SH3GL2: variants seen among roughly 807,000 people sequenced by gnomAD.
The protein encoded by SH3GL2 is endophilin-A1.
SH3GL2 carries 24 observed loss-of-function variants against 46.0 expected under a neutral mutation model. The observed-to-expected ratio is 0.52, with a 90% CI of 0.38 to 0.73. The LOEUF is 0.73. Among genes scored for constraint, SH3GL2 ranks in the 30% least tolerant of loss-of-function variants. SH3GL2 has a pLI of 0.00. For synonymous variants in SH3GL2, 196 were observed against 147.1 expected (o/e 1.33, Z -2.40); for missense variants, 413 against 424.2 (o/e 0.97, Z 0.23).
At chr9:17,667,674 G>T (rs1181300901) in intron 1 of SH3GL2, among the ~76,000 whole-genome samples, 1 of 152,078 alleles carries the variant, frequency 6.6e-6, no homozygotes, top group African/African-American at 2.4e-5. Flanking sequence ...CATATACCTT[G>T]AGGTGGAACT....
At chr9:17,747,182 A>T (rs1822715545) in intron 2 of SH3GL2, 48 bp downstream of exon 2, 4 of 1,189,260 alleles carry the variant, frequency 3.4e-6, no homozygotes, top group Non-Finnish European at 4.9e-6. Context: ...AAACATGTCT[A>T]CCATAATTAG....
At chr9:17,711,192 A>G (rs1821611269) in intron 1 of SH3GL2, among the ~76,000 whole-genome samples, 1 of 151,902 alleles carries the variant, frequency 6.6e-6, no homozygotes, top group Non-Finnish European at 1.5e-5. Flanking sequence ...CTGCTACTGA[A>G]GTACTTTTGT....
chr9:17,783,015 T>C (rs1180226667), intron 3 of SH3GL2, among the ~76,000 whole-genome samples: 1 of 152,048 alleles, frequency 6.6e-6, no homozygotes, highest in African/African-American at 2.4e-5. Flanking sequence ...TGCAACCAAG[T>C]TGTCAGTAGA....
chr9:17,658,789 T>C (rs1295306765), intron 1 of SH3GL2, among the ~76,000 whole-genome samples: 1 of 152,178 alleles, frequency 6.6e-6, no homozygotes, highest in East Asian at 1.9e-4. Flanking sequence ...TGTTGGAAAT[T>C]AGTGTGCACT....
chr9:17,773,126 A>T (rs769886122), intron 3 of SH3GL2, among the ~76,000 whole-genome samples: 1 of 152,032 alleles, frequency 6.6e-6, no homozygotes, highest in Non-Finnish European at 1.5e-5. Context: ...AGCCATTTGT[A>T]TGTCTTCTTT....
At chr9:17,710,731 A>G (rs1165693067) in intron 1 of SH3GL2, among the ~76,000 whole-genome samples, 1 of 151,970 alleles carries the variant, frequency 6.6e-6, no homozygotes, top group Non-Finnish European at 1.5e-5. Flanking sequence ...ATTTTGACAT[A>G]TCCTACAATA....
intron 1 of SH3GL2, among the ~76,000 whole-genome samples, chr9:17,696,488 T>C (rs886381283): frequency 1.3e-4 from 20 of 152,120 alleles, no homozygotes; most frequent in African/African-American, 3.9e-4. Flanking sequence ...TTTAATTGAC[T>C]CACAGTTCCA....
intron 1 of SH3GL2, among the ~76,000 whole-genome samples, chr9:17,709,072 C>G (rs988148743): frequency 6.6e-6 from 1 of 151,978 alleles, no homozygotes; most frequent in East Asian, 1.9e-4. Flanking sequence ...TTACTCCTAT[C>G]AAGACATTAG....
intron 1 of SH3GL2, among the ~76,000 whole-genome samples, chr9:17,660,708 C>T (rs192035137): frequency 6.6e-6 from 1 of 152,216 alleles, no homozygotes; most frequent in East Asian, 1.9e-4. Context: ...TTTGGACTAG[C>T]TGATTCTCAG....
intron 1 of SH3GL2, among the ~76,000 whole-genome samples, chr9:17,601,803 G>T (rs1018661955): frequency 2.6e-5 from 4 of 152,146 alleles, no homozygotes; most frequent in Non-Finnish European, 4.4e-5. Context: ...AAAACTTGGG[G>T]TATGGTCACT....
chr9:17,598,614 C>A lies in SH3GL2; in HGVS notation c.45+19327C>A, dbSNP rs188108174. Among the ~76,000 whole-genome samples the A allele has an allele frequency of 2.2e-4, 34 of 152,268 alleles. 1 individual carries two copies. The highest frequency in any genetic ancestry group is 6.5e-4 in the African/African-American group (27 of 41,558). On this transcript the variant is annotated intron_variant, in intron 1 of 8. Transcript: ENST00000380607. Reference sequence around the variant, plus strand: ...TCCCACTCATCCTTTAGGCCTTGATCCAGATGATACTTATTGGAATCCCTT... The same window carrying A: ...TCCCACTCATCCTTTAGGCCTTGATACAGATGATACTTATTGGAATCCCTT...
chr9:17,657,550 A>G (rs1344807169), intron 1 of SH3GL2, among the ~76,000 whole-genome samples: 6 of 152,194 alleles, frequency 3.9e-5, no homozygotes, highest in Non-Finnish European at 5.9e-5. Flanking sequence ...CTCTCTGTGA[A>G]TTAAGGAAAG....
At chr9:17,664,778 T>C (rs1820302031) in intron 1 of SH3GL2, among the ~76,000 whole-genome samples, 1 of 151,900 alleles carries the variant, frequency 6.6e-6, no homozygotes, top group African/African-American at 2.4e-5. Flanking sequence ...GCCACTTTCA[T>C]GTATAATCTT....
At chr9:17,762,415 AGGG>A (rs1491410851) in intron 3 of SH3GL2, among the ~76,000 whole-genome samples, 2 of 145,134 alleles carry the variant, frequency 1.4e-5, no homozygotes, top group African/African-American at 2.5e-5. Context: ...AAAAAAAAAA[AGGG>A]GGCGGGTGTG....
chr9:17,722,509 TTTC>T (rs1821920557), intron 1 of SH3GL2, among the ~76,000 whole-genome samples: 1 of 152,058 alleles, frequency 6.6e-6, no homozygotes, highest in African/African-American at 2.4e-5. Flanking sequence ...AAAATTTTTT[TTTC>T]TTATTTTTTT....
rs553532250 is a variant in SH3GL2, at chr9:17,736,794, A to G, written c.46-10272A>G. 3.5e-4 allele frequency among the ~76,000 whole-genome samples: 53 copies of G among 152,212 alleles called. 1 individual carries two copies. The highest frequency in any genetic ancestry group is 1.3e-3 in the African/African-American group (53 of 41,548). ...AACTGTCCAAGTCTTTGTGCCCTGT[A>G]GCCGTCAATTACTGTACTTTTCATG... is the stretch of plus-strand genomic sequence containing the variant. On this transcript the variant is annotated intron_variant, in intron 1 of 8. Coordinates refer to ENST00000380607, the MANE Select transcript of SH3GL2 (RefSeq NM_003026.5).
At chr9:17,682,048 A>G (rs1412294978) in intron 1 of SH3GL2, among the ~76,000 whole-genome samples, 1 of 152,176 alleles carries the variant, frequency 6.6e-6, no homozygotes, top group African/African-American at 2.4e-5. Flanking sequence ...GGCGATTATT[A>G]AAAAGTCAAG....
In SH3GL2 at chr9:17,603,635, T is replaced by C. The variant is rs556959978; in HGVS notation, c.45+24348T>C. Among the ~76,000 whole-genome samples, 30 of 152,170 alleles carry C rather than the reference T, an allele frequency of 2.0e-4. No homozygotes were observed. The East Asian group carries it at 5.8e-3, about 30-fold the overall frequency. ...CAGCACTTTGGGAGGTCAAAGCCCA[T>C]GGGTCACCTGAGGTCAGGGGTTCGA... On this transcript the variant is annotated intron_variant, in intron 1 of 8. Transcript: ENST00000380607.
At chr9:17,686,766 A>C (rs1188466758) in intron 1 of SH3GL2, among the ~76,000 whole-genome samples, 2 of 130,320 alleles carry the variant, frequency 1.5e-5, no homozygotes, top group Non-Finnish European at 3.1e-5. Flanking sequence ...AGGAAGGGGA[A>C]TATCACACTC....
Sources: gnomAD v4.1 joint callset for allele counts (sites outside exome capture counted in the v4.1 genomes callset) on GRCh38, gnomAD v4.1.1 for gene constraint, MANE v1.5 for transcripts, NCBI Gene and HGNC (gene_info 2026-07-23, HGNC 2026-07-21) for gene names.